FAR2: variants seen among roughly 807,000 people sequenced by gnomAD.
FAR2 encodes the protein fatty acyl-CoA reductase 2, also known as epididymis secretory protein Li 81.
Under a neutral mutation model 56.0 loss-of-function variants are expected in FAR2, and 19 were observed. The ratio of observed to expected loss-of-function variants is 0.34; its 90% CI spans 0.24 to 0.50. FAR2 has a LOEUF of 0.50. Ranked by LOEUF, FAR2 falls within the 20% of genes least tolerant of loss-of-function variation. The pLI, the probability that FAR2 is intolerant of heterozygous loss-of-function variation, is 0.98. For synonymous variants in FAR2, 219 were observed against 218.8 expected (o/e 1.00, Z -0.01); for missense variants, 508 against 642.2 (o/e 0.79, Z 2.26).
At chr12:29,229,535 A>C (rs1033992982) in intron 1 of FAR2, among the ~76,000 whole-genome samples, 3 of 152,220 alleles carry the variant, frequency 2.0e-5, no homozygotes, top group African/African-American at 7.2e-5. Context: ...AAAAGACCAA[A>C]TCTATTTGTT....
chr12:29,211,874 A>G (rs7954686), intron 1 of FAR2, among the ~76,000 whole-genome samples: 25,636 of 148,114 alleles, frequency 0.17, 2,305 homozygotes, highest in Non-Finnish European at 0.21. Context: ...CTAATCTAGT[A>G]TGACTGGTAT....
At chr12:29,253,920 GT>G (rs1327780475) in intron 1 of FAR2, among the ~76,000 whole-genome samples, 1 of 152,116 alleles carries the variant, frequency 6.6e-6, no homozygotes, top group African/African-American at 2.4e-5. Flanking sequence ...GTGGATTTAG[GT>G]TATATTCTTT....
chr12:29,282,925 G>A (rs1408135279), intron 2 of FAR2, among the ~76,000 whole-genome samples: 1 of 152,116 alleles, frequency 6.6e-6, no homozygotes, highest in Non-Finnish European at 1.5e-5. Context: ...AGTATTTTCA[G>A]AGCACTTAAA....
At chr12:29,161,512 A>C (rs1415788850) in intron 1 of FAR2, among the ~76,000 whole-genome samples, 2 of 152,222 alleles carry the variant, frequency 1.3e-5, no homozygotes, top group Non-Finnish European at 2.9e-5. Flanking sequence ...GTAATACTCC[A>C]TACTGTGAAT....
chr12:29,331,821 G>A (rs1260003677), intron 10 of FAR2: 1 of 152,006 alleles, frequency 6.6e-6, no homozygotes, highest in African/African-American at 2.4e-5. Context: ...AAAATCTATG[G>A]AATGCAATTC....
intron 1 of FAR2, among the ~76,000 whole-genome samples, chr12:29,192,945 A>G (rs1950114658): frequency 6.6e-6 from 1 of 152,156 alleles, no homozygotes; most frequent in African/African-American, 2.4e-5. Flanking sequence ...TATCATCCAC[A>G]CCGTACATAT....
At chr12:29,241,989 G>A (rs959906305) in intron 1 of FAR2, among the ~76,000 whole-genome samples, 1 of 152,220 alleles carries the variant, frequency 6.6e-6, no homozygotes, top group African/African-American at 2.4e-5. Context: ...GATGGCAAAT[G>A]TGGGAGCAAT....
chr12:29,161,384 A>G (rs1949780343), intron 1 of FAR2, among the ~76,000 whole-genome samples: 1 of 152,246 alleles, frequency 6.6e-6, no homozygotes, highest in African/African-American at 2.4e-5. Context: ...TGGAGTTTGT[A>G]TAAATGAAAT....
intron 1 of FAR2, among the ~76,000 whole-genome samples, chr12:29,173,012 C>G (rs1229326067): frequency 6.6e-6 from 1 of 152,192 alleles, no homozygotes; most frequent in African/African-American, 2.4e-5. Flanking sequence ...TATCTCCAAA[C>G]TCTCAGGCTG....
At chr12:29,293,908 G>A (rs1376994332) in intron 3 of FAR2, among the ~76,000 whole-genome samples, 2 of 152,046 alleles carry the variant, frequency 1.3e-5, no homozygotes, top group East Asian at 3.9e-4. Context: ...TAACAACACT[G>A]CAATGAACAT....
At chr12:29,260,167 G>A (rs1948391834) in intron 1 of FAR2, among the ~76,000 whole-genome samples, 1 of 152,144 alleles carries the variant, frequency 6.6e-6, no homozygotes, top group South Asian at 2.1e-4. Context: ...ATTTCAGGGA[G>A]CCAAATTTTT....
intron 1 of FAR2, among the ~76,000 whole-genome samples, chr12:29,263,728 G>A (rs1469556458): frequency 6.7e-6 from 1 of 148,792 alleles, no homozygotes; most frequent in South Asian, 2.2e-4. Flanking sequence ...CCAGCTGAGA[G>A]AACTGGTTCA....
chr12:29,274,041 GTTTTTC>G (rs1216850581), intron 2 of FAR2, among the ~76,000 whole-genome samples: 6 of 148,440 alleles, frequency 4.0e-5, no homozygotes, highest in African/African-American at 1.5e-4. Context: ...TATTGTGTTT[GTTTTTC>G]TTTTTCTTTT....
chr12:29,228,181 C>G (rs1317462127), intron 1 of FAR2, among the ~76,000 whole-genome samples: 3 of 150,830 alleles, frequency 2.0e-5, no homozygotes, highest in Non-Finnish European at 4.4e-5. Flanking sequence ...ACTTCATTAT[C>G]TTTACTAATC....
At chr12:29,183,326 C>G (rs1478978422) in intron 1 of FAR2, among the ~76,000 whole-genome samples, 1 of 152,130 alleles carries the variant, frequency 6.6e-6, no homozygotes, top group African/African-American at 2.4e-5. Flanking sequence ...CATTCCTCCC[C>G]TTTCAATTAT....
At chr12:29,176,435 C>T (rs1003415750) in intron 1 of FAR2, among the ~76,000 whole-genome samples, 1 of 151,888 alleles carries the variant, frequency 6.6e-6, no homozygotes, top group African/African-American at 2.4e-5. Context: ...TCAAAGACAA[C>T]GTTTTGAACA....
intron 1 of FAR2, among the ~76,000 whole-genome samples, chr12:29,233,329 G>A (rs12310555): frequency 0.18 from 26,798 of 152,022 alleles, 3,182 homozygotes; most frequent in African/African-American, 0.33. Flanking sequence ...GATAGACTCT[G>A]AATCTTAATA....
At chr12:29,187,608 T>C (rs1479571496) in intron 1 of FAR2, among the ~76,000 whole-genome samples, 2 of 152,194 alleles carry the variant, frequency 1.3e-5, no homozygotes, top group African/African-American at 4.8e-5. Context: ...AGCTGGGATT[T>C]GATACCTTTG....
intron 2 of FAR2, among the ~76,000 whole-genome samples, chr12:29,287,130 C>A (rs1213608691): frequency 6.6e-6 from 1 of 152,130 alleles, no homozygotes; most frequent in Non-Finnish European, 1.5e-5. Flanking sequence ...TTACTAGAGA[C>A]CATGTTCAAA....
Sources: allele counts gnomAD v4.1 joint callset (sites outside exome capture counted in the v4.1 genomes callset), GRCh38; gene constraint gnomAD v4.1.1; transcripts MANE v1.5; gene names NCBI Gene and HGNC (gene_info 2026-07-23, HGNC 2026-07-21).